Variants in PCDH11X observed in about 807,000 individuals in gnomAD.
PCDH11X encodes protocadherin-11 X-linked.
In PCDH11X, 18 loss-of-function variants were observed where a neutral mutation model predicts 53.3. The ratio of observed to expected loss-of-function variants is 0.34; its 90% confidence interval spans 0.23 to 0.50. PCDH11X has a LOEUF of 0.50. PCDH11X is among the 20% of genes least tolerant of loss of function. The probability of loss-of-function intolerance (pLI) is 0.98; values close to 1 mark genes in which losing one functional copy is unlikely to be tolerated. For missense variants in PCDH11X, 570 were observed against 1,032.4 expected, an observed-to-expected ratio of 0.55 and a Z score of 6.14; for synonymous variants, 279 against 393.3, an observed-to-expected ratio of 0.71 and a Z score of 3.44.
chrX:92,266,767 C>CA (rs2067841256), intron 8 of PCDH11X, among the ~76,000 whole-genome samples: 1 of 105,247 alleles, frequency 9.5e-6, no homozygotes, highest in Admixed American at 1.0e-4. Context: ...TATGTGGAGA[C>CA]AAAGTCTTGC....
rs781770086 is a variant in PCDH11X, at chrX:91,878,519, A to T, written c.2279A>T (p.Asp760Val). Residue 760 changes from aspartate to valine, a missense_variant, in exon 6 of 11, where the codon GAT (aspartate) becomes GTT (valine). Around this residue, in one of 6 missense-constraint regions of PCDH11X, gnomAD observed 226 missense variants for 457.5 expected, o/e 0.49. Transcript: ENST00000682573. Reference sequence around the variant, plus strand: ...AAAGCTAATGACTTAGGACAGCCTGATTCTCTCTTCAGTGTTGTAATTGTC... The same window carrying T: ...AAAGCTAATGACTTAGGACAGCCTGTTTCTCTCTTCAGTGTTGTAATTGTC... ...LVKANDLGQP[D>V]SLFSVVIVNL... The T allele has an allele frequency of 2.1e-5, 25 of 1,208,168 alleles. No homozygotes were observed. The highest frequency in any genetic ancestry group is 6.7e-6 in the Non-Finnish European group (6 of 894,817).
chrX:92,264,739 G>A (rs1038946633), intron 8 of PCDH11X, among the ~76,000 whole-genome samples: 6 of 110,606 alleles, frequency 5.4e-5, no homozygotes, highest in African/African-American at 2.0e-4. Context: ...TACAAGTTAG[G>A]CTCCTGCATA....
intron 9 of PCDH11X, among the ~76,000 whole-genome samples, chrX:92,407,811 G>C (rs1490268170): frequency 1.8e-5 from 2 of 110,855 alleles, no homozygotes; most frequent in African/African-American, 6.6e-5. Context: ...CCCACTAAGT[G>C]TGTATGAGGT....
At chrX:92,223,215 A>T (rs2066913012) in intron 7 of PCDH11X, among the ~76,000 whole-genome samples, 1 of 110,984 alleles carries the variant, frequency 9.0e-6, no homozygotes, top group Admixed American at 9.6e-5. Flanking sequence ...CATCCCTTTT[A>T]TTCATTCCTC....
intron 6 of PCDH11X, among the ~76,000 whole-genome samples, chrX:92,001,458 CT>C (rs1225179729): frequency 5.8e-5 from 5 of 86,542 alleles, no homozygotes; most frequent in South Asian, 7.2e-4. Flanking sequence ...TATTTGAGCT[CT>C]TTTTTTTTCT....
intron 10 of PCDH11X, among the ~76,000 whole-genome samples, chrX:92,489,542 G>A (rs1340002243): frequency 9.2e-6 from 1 of 108,649 alleles, no homozygotes; most frequent in East Asian, 2.9e-4. Context: ...AGTTTATTTG[G>A]TCATTTTCTG....
At chrX:91,993,826 T>A (rs900761131) in intron 6 of PCDH11X, among the ~76,000 whole-genome samples, 4 of 110,311 alleles carry the variant, frequency 3.6e-5, no homozygotes, top group African/African-American at 1.3e-4. Flanking sequence ...GCAGGAGTAA[T>A]GCTTCTTTCT....
chrX:92,281,797 T>C (rs927142348), intron 8 of PCDH11X, among the ~76,000 whole-genome samples: 3 of 111,656 alleles, frequency 2.7e-5, no homozygotes, highest in Admixed American at 9.6e-5. Flanking sequence ...ACTAATTTGG[T>C]AGCAGAATAA....
chrX:91,809,844 G>A lies in PCDH11X; in HGVS notation c.-210+210G>A, dbSNP rs764220872. On this transcript the variant is annotated intron_variant, in intron 2 of 10. Transcript: ENST00000682573. ...CTGGAGGAATGGATGAGAGAAACAC[G>A]TCTATGGAATTCGAGGGAGATCATA... 1.5e-3 allele frequency among the ~76,000 whole-genome samples: 170 copies of A among 110,436 alleles called. 1 individual carries two copies. The highest frequency in any genetic ancestry group is 5.2e-3 in the African/African-American group (159 of 30,458).
intron 6 of PCDH11X, among the ~76,000 whole-genome samples, chrX:92,009,700 CTTTTTTTTTTTTT>C (rs68159170): frequency 7.5e-5 from 5 of 66,642 alleles, no homozygotes; most frequent in African/African-American, 1.1e-4. Context: ...TGACTGTTGC[CTTTTTTTTTTTTT>C]TTTTTTTTGA....
intron 6 of PCDH11X, among the ~76,000 whole-genome samples, chrX:92,013,407 T>G (rs1298849025): frequency 9.0e-6 from 1 of 111,324 alleles, no homozygotes; most frequent in African/African-American, 3.3e-5. Flanking sequence ...GGAAGAACAT[T>G]CCATGTTCAT....
chrX:91,821,554 C>T (rs1936683342), intron 4 of PCDH11X, among the ~76,000 whole-genome samples: 1 of 109,018 alleles, frequency 9.2e-6, no homozygotes, highest in Non-Finnish European at 1.9e-5. Context: ...AGTTGTTTAT[C>T]AGCTTAAGGA....
Position 91,878,713 on chromosome X carries a change from G to A in PCDH11X, c.2473G>A (p.Val825Ile), listed in dbSNP as rs377250651. ...VAAVAGTITV[V>I]VVIFITAVVR... is the part of the protein sequence containing the mutation. The stretch of plus-strand genomic sequence containing the variant: ...AGCTGTTGCTGGCACCATAACTGTC[G>A]TTGTAGTTATTTTCATCACTGCTGT... The change falls in exon 6 of 11, where the codon GTT becomes ATT. Residue 825 changes from valine (V) to isoleucine (I), a missense_variant. This residue lies in a region of PCDH11X where 226 missense variants were observed against 457.5 expected (regional missense o/e 0.49). Coordinates refer to ENST00000682573, the MANE Select transcript of PCDH11X (RefSeq NM_032968.5). 4.9e-5 allele frequency: 59 copies of A among 1,207,970 alleles called. No homozygotes were observed. The highest frequency in any genetic ancestry group is 4.4e-5 in the Admixed American group (2 of 45,469).
intron 10 of PCDH11X, among the ~76,000 whole-genome samples, chrX:92,606,226 C>A (rs1338562301): frequency 7.6e-5 from 3 of 39,690 alleles, no homozygotes; most frequent in African/African-American, 5.7e-4. Context: ...GAGGGAAATT[C>A]CGTCTCAAAA....
In PCDH11X at chrX:91,907,412, C is replaced by CACACACACACAGAG. The variant is rs756926383; in HGVS notation, c.3033+28140_3033+28141insCACACACACAGAGA. 7.7e-4 allele frequency among the ~76,000 whole-genome samples: 44 copies of CACACACACACAGAG among 57,486 alleles called. 1 individual carries two copies. The East Asian group carries it at 0.017, about 23-fold the overall frequency. The allele number at this position is 57,486 out of a possible 115,157, so 49.9% of individuals were successfully genotyped here. On this transcript the variant is annotated intron_variant, in intron 6 of 10. Coordinates refer to ENST00000682573, the MANE Select transcript of PCDH11X (RefSeq NM_032968.5). ...ACACACACACACACACACACACACA[C>CACACACACACAGAG]AGAGAGAGAGAGAGAGAGAGAGAGA... is the stretch of plus-strand genomic sequence containing the variant.
In PCDH11X at chrX:92,147,961, T is replaced by TTCCC. The variant is rs1312505177; in HGVS notation, c.3034-53412_3034-53409dup. 2.1e-3 allele frequency among the ~76,000 whole-genome samples: 183 copies of TTCCC among 86,911 alleles called. 6 individuals carry two copies. The highest frequency in any genetic ancestry group is 9.5e-3 in the African/African-American group (173 of 18,133). 75.5% of individuals were successfully genotyped at this position (86,911 alleles called of 115,157 possible). ...TCTCTTCCTTCCTTCCTTTCCTTCTTTCCCTTCCTTCCTTCCTTCCTTCCT... is the reference window on the plus strand; with the variant it reads ...TCTCTTCCTTCCTTCCTTTCCTTCTTTCCCTCCCTTCCTTCCTTCCTTCCTTCCT... On this transcript the variant is annotated intron_variant, in intron 6 of 10. Coordinates refer to ENST00000682573, the MANE Select transcript of PCDH11X (RefSeq NM_032968.5).
chrX:91,823,244 T>C (rs1306308120), intron 4 of PCDH11X, among the ~76,000 whole-genome samples: 1 of 111,107 alleles, frequency 9.0e-6, no homozygotes, highest in Non-Finnish European at 1.9e-5. Flanking sequence ...ACTTTCTGTC[T>C]AGTTGATCTG....
chrX:91,872,458 T>C (rs1457837409), intron 5 of PCDH11X, among the ~76,000 whole-genome samples: 1 of 111,124 alleles, frequency 9.0e-6, no homozygotes, highest in Non-Finnish European at 1.9e-5. Flanking sequence ...TTCATGCATT[T>C]ATTTATCTAA....
chrX:92,445,634 C>G (rs1035397139), intron 9 of PCDH11X, among the ~76,000 whole-genome samples: 1 of 108,679 alleles, frequency 9.2e-6, no homozygotes, highest in Non-Finnish European at 1.9e-5. Context: ...AAGTCTAAAA[C>G]CGATTTTAAA....
Sources: allele counts gnomAD v4.1 joint callset (sites outside exome capture counted in the v4.1 genomes callset), GRCh38; gene constraint gnomAD v4.1.1; regional missense constraint gnomAD v4.1.1; transcripts MANE v1.5; gene names NCBI Gene and HGNC (gene_info 2026-07-23, HGNC 2026-07-21).